The following LEPR variants were observed in gnomAD, a reference collection of about 807,000 sequenced individuals.
The protein encoded by LEPR is leptin receptor, also known as OB receptor.
A neutral mutation model predicts 114.7 loss-of-function variants in LEPR; 56 were observed. The observed-to-expected ratio is 0.49, with a 90% CI of 0.39 to 0.61. LEPR has a LOEUF of 0.61. Ranked by LOEUF, LEPR falls within the 20% of genes least tolerant of loss-of-function variation. The pLI is 0.00. For synonymous variants in LEPR, 443 were observed against 461.4 expected (o/e 0.96, Z 0.51); for missense variants, 1,202 against 1,352.9 (o/e 0.89, Z 1.75).
In LEPR at chr1:65,544,011, T is replaced by C. The variant is rs912915961; in HGVS notation, c.-20-21535T>C. Among the ~76,000 whole-genome samples, 28 of 152,172 alleles carry C rather than the reference T, an allele frequency of 1.8e-4. 1 individual carries two copies. Among genetic ancestry groups the C allele is most frequent in the African/African-American group, 6.3e-4 (26 of 41,412 alleles). ...TTTAAAATTCTTTAAAGAAAGTCAA[T>C]GGTGGCTTGATGGGGATAGCACTGA... On this transcript the variant is annotated intron_variant, in intron 2 of 19. Coordinates refer to ENST00000349533, the MANE Select transcript of LEPR (RefSeq NM_002303.6).
At chr1:65,506,044 G>A (rs1648710447) in intron 2 of LEPR, among the ~76,000 whole-genome samples, 2 of 152,072 alleles carry the variant, frequency 1.3e-5, no homozygotes, top group Non-Finnish European at 2.9e-5. Context: ...AGTAAGAGCT[G>A]GCAAACATGC....
intron 2 of LEPR, among the ~76,000 whole-genome samples, chr1:65,543,257 T>G (rs1651377415): frequency 6.6e-6 from 1 of 152,078 alleles, no homozygotes; most frequent in Non-Finnish European, 1.5e-5. Context: ...CACATAAATG[T>G]CTTCTTCTGA....
rs1332084963 is a variant in LEPR at position 65,430,201 on chromosome 1, A to G, written c.-21+4823A>G. On this transcript the variant is annotated intron_variant, in intron 2 of 19. Transcript: ENST00000349533. ...TGTTCCTCTACTTTAGACCTGCCTA[A>G]CAGTAGTTCGGCCATGCCTTCAGAG... 13 of 574,568 alleles carry G rather than the reference A, an allele frequency of 2.3e-5. 1 individual carries two copies. In the Admixed American group the frequency reaches 4.0e-4, roughly 18 times the overall value. 35.6% of individuals were successfully genotyped at this position (574,568 alleles called of 1,614,324 possible).
rs373546651 is a variant in LEPR, at chr1:65,633,217, A to G, written c.2674-2974A>G. The stretch of plus-strand genomic sequence containing the variant: ...ATGAACCCAATGTGCCAACTTCCCA[A>G]CAGTCTATAGAGTATTAGAAGATTT... On this transcript the variant is annotated intron_variant, in intron 19 of 19. Coordinates refer to ENST00000349533, the MANE Select transcript of LEPR (RefSeq NM_002303.6). The surrounding 1 kb of genome is among the most constrained non-coding windows in gnomAD (Gnocchi z 4.1). The G allele has an allele frequency of 6.6e-5, 106 of 1,608,930 alleles. No individual in the cohort carries two copies. The African/African-American group carries it at 1.2e-3, about 18-fold the overall frequency.
chr1:65,636,512 G>A lies in LEPR; in HGVS notation c.2995G>A (p.Gly999Ser), dbSNP rs1658725459. The A allele has an allele frequency of 6.2e-7, 1 of 1,613,942 alleles. No homozygotes were observed. The highest frequency in any genetic ancestry group is 1.7e-5 in the Admixed American group (1 of 59,970). The change falls in exon 20 of 20, where the codon GGT becomes AGT. Residue 999 changes from glycine (G) to serine (S), a missense_variant. By Grantham distance (56) the Gly-to-Ser change is moderately conservative. Coordinates refer to ENST00000349533, the MANE Select transcript of LEPR (RefSeq NM_002303.6). The part of the protein sequence containing the change: ...LISNSKPSET[G>S]EEQGLINSSV... ...CAGCAACTCTAAACCAAGTGAAACT[G>A]GTGAAGAACAAGGGCTTATAAATAG...
chr1:65,540,658 A>G (rs1651127746), intron 2 of LEPR, among the ~76,000 whole-genome samples: 2 of 152,294 alleles, frequency 1.3e-5, no homozygotes, highest in South Asian at 4.1e-4. Flanking sequence ...TAAATTACCC[A>G]GTCTCAGATA....
chr1:65,515,882 A>C (rs984660305), intron 2 of LEPR, among the ~76,000 whole-genome samples: 8 of 152,356 alleles, frequency 5.3e-5, no homozygotes, highest in Non-Finnish European at 4.4e-5. Context: ...AATTGCTAGC[A>C]CTTAAGATAG....
At chr1:65,519,232 C>G (rs1244792322) in intron 2 of LEPR, among the ~76,000 whole-genome samples, 1 of 151,518 alleles carries the variant, frequency 6.6e-6, no homozygotes, top group Non-Finnish European at 1.5e-5. Flanking sequence ...CTACTGCAAC[C>G]TCCACCTCCC....
intron 2 of LEPR, among the ~76,000 whole-genome samples, chr1:65,457,299 C>A (rs1646889907): frequency 6.6e-6 from 1 of 151,918 alleles, no homozygotes; most frequent in South Asian, 2.1e-4. Context: ...ATTTTTCCTT[C>A]ACTTTCTTCT....
chr1:65,529,395 G>A (rs1404145731), intron 2 of LEPR, among the ~76,000 whole-genome samples: 3 of 151,890 alleles, frequency 2.0e-5, no homozygotes, highest in Non-Finnish European at 1.5e-5. Context: ...GGTGGCAGGC[G>A]CCTGTAATCC....
At chr1:65,438,554 A>C (rs1214012169) in intron 2 of LEPR, among the ~76,000 whole-genome samples, 1 of 150,520 alleles carries the variant, frequency 6.6e-6, no homozygotes, top group Non-Finnish European at 1.5e-5. Context: ...GTCTCAAAAA[A>C]AAAAAAAAAA....
intron 2 of LEPR, among the ~76,000 whole-genome samples, chr1:65,473,426 C>G (rs1647115122): frequency 6.6e-6 from 1 of 152,256 alleles, no homozygotes; most frequent in African/African-American, 2.4e-5. Flanking sequence ...GACAGTATCT[C>G]TATAAAAATA....
chr1:65,581,175 G>A (rs1014219563), intron 5 of LEPR, among the ~76,000 whole-genome samples: 4 of 152,056 alleles, frequency 2.6e-5, no homozygotes, highest in African/African-American at 4.8e-5. Flanking sequence ...GGACATGCTC[G>A]AGACTTTGTC....
intron 2 of LEPR, among the ~76,000 whole-genome samples, chr1:65,518,865 T>TTC (rs1389826621): frequency 1.9e-3 from 272 of 142,068 alleles, no homozygotes; most frequent in African/African-American, 6.8e-3. Context: ...TTTTCTTTCT[T>TTC]TCTTTCTTTT....
intron 19 of LEPR, among the ~76,000 whole-genome samples, chr1:65,627,116 TG>T (rs1252463828): frequency 1.3e-5 from 2 of 152,210 alleles, no homozygotes; most frequent in African/African-American, 4.8e-5. Context: ...TTCAGTAGCT[TG>T]TCTTGCTCAC....
chr1:65,538,195 A>G (rs1207208996), intron 2 of LEPR, among the ~76,000 whole-genome samples: 1 of 151,444 alleles, frequency 6.6e-6, no homozygotes, highest in Non-Finnish European at 1.5e-5. Context: ...CCACTGACTC[A>G]TATTCTAGTG....
chr1:65,564,804 C>T (rs1215928666), intron 2 of LEPR, among the ~76,000 whole-genome samples: 5 of 152,132 alleles, frequency 3.3e-5, no homozygotes, highest in Admixed American at 6.5e-5. Context: ...ATGCCTAATT[C>T]AGGTAGGTTT....
chr1:65,457,835 A>G (rs534992689), intron 2 of LEPR, among the ~76,000 whole-genome samples: 1 of 152,300 alleles, frequency 6.6e-6, no homozygotes, highest in South Asian at 2.1e-4. Flanking sequence ...TCCATAGGTA[A>G]AGCAAACTAC....
chr1:65,635,622 A>G (rs941172084), intron 19 of LEPR, among the ~76,000 whole-genome samples: 38 of 152,120 alleles, frequency 2.5e-4, no homozygotes, highest in African/African-American at 8.7e-4. Flanking sequence ...TAAGTTTTTA[A>G]TAGTCAACAC....
Sources: allele counts gnomAD v4.1 joint callset (sites outside exome capture counted in the v4.1 genomes callset), GRCh38; gene constraint gnomAD v4.1.1; non-coding constraint Gnocchi (gnomAD v3.1); transcripts MANE v1.5; gene names NCBI Gene and HGNC (gene_info 2026-07-23, HGNC 2026-07-21).